The following PIGR variants were observed in gnomAD, a reference collection of about 807,000 sequenced individuals.
PIGR encodes hepatocellular carcinoma associated protein TB6.
PIGR carries 22 observed loss-of-function variants against 69.5 expected under a neutral mutation model. The ratio of observed to expected loss-of-function variants is 0.32; its 90% CI spans 0.23 to 0.45. The LOEUF (loss-of-function observed/expected upper bound fraction) is 0.45. Ranked by LOEUF, PIGR falls within the 20% of genes least tolerant of loss-of-function variation. The probability of loss-of-function intolerance (pLI) is 1.00; values close to 1 mark genes in which losing one functional copy is unlikely to be tolerated. For missense variants in PIGR, 885 were observed against 974.0 expected (o/e 0.91, Z 1.22); for synonymous variants, 413 against 407.6 (o/e 1.01, Z -0.16).
chr1:206,938,294 A>G (rs1286805023), intron 3 of PIGR, among the ~76,000 whole-genome samples: 1 of 152,222 alleles, frequency 6.6e-6, no homozygotes, highest in African/African-American at 2.4e-5. Context: ...ACCCGTCATC[A>G]GCATGTTCTT....
Position 206,940,575 on chromosome 1 carries a change from C to T in PIGR, c.-44G>A, listed in dbSNP as rs909533522. The T allele has an allele frequency of 4.6e-6, 7 of 1,519,952 alleles. No individual in the cohort carries two copies. In the African/African-American group the frequency reaches 9.7e-5, roughly 21 times the overall value. 94.2% of individuals were successfully genotyped at this position (1,519,952 alleles called of 1,614,324 possible). A position where few individuals can be genotyped will look rare whatever the true frequency, so the allele number is the denominator to read the frequency against. On this transcript the variant is annotated 5_prime_UTR_variant, in exon 2 of 11. Coordinates refer to ENST00000356495, the MANE Select transcript of PIGR (RefSeq NM_002644.4). ...GCCGCACCACTCAGGCCGACTTCTC[C>T]TGTGCAATGCTGAAAAACAATAATC...
chr1:206,931,230 T>C (rs1312520992), intron 10 of PIGR: 2 of 985,346 alleles, frequency 2.0e-6, no homozygotes, highest in Non-Finnish European at 2.4e-6. Context: ...CCTGCTTTCC[T>C]CATCTCCTGG....
At chr1:206,940,052 G>A (rs971797213) in intron 2 of PIGR, among the ~76,000 whole-genome samples, 14 of 152,248 alleles carry the variant, frequency 9.2e-5, no homozygotes, top group East Asian at 1.9e-4. Flanking sequence ...CACCACTTTC[G>A]TAAGGTGTTA....
chr1:206,931,880 G>T, intron 8 of PIGR, 78 bp from the exon 9 acceptor site: 1 of 1,535,900 alleles, frequency 6.5e-7, no homozygotes, highest in Non-Finnish European at 9.0e-7. Context: ...TTCTCTCTGG[G>T]CGGATCCACT....
In PIGR at chr1:206,937,492, C is replaced by T. The variant is rs1679888868; in HGVS notation, c.648G>A (p.Gly216=). ...CATCCCCAGCCTGGCAGAGATACTG[C>T]CCAGCATCGCTGAGCCTGAGTTGGT... The part of the protein sequence containing the change: ...VINQLRLSDA[G]QYLCQAGDDS... The change falls in exon 4 of 11, where the codon GGG becomes GGA. Residue 216 remains glycine, a synonymous_variant. Transcript: ENST00000356495. 1.9e-6 allele frequency: 3 copies of T among 1,614,216 alleles called. No individual in the cohort carries two copies. Among genetic ancestry groups the T allele is most frequent in the Admixed American group, 3.3e-5 (2 of 60,030 alleles).
rs760651677 is a variant in PIGR, at chr1:206,934,579, C to A, written c.1546G>T (p.Ala516Ser). The part of the protein sequence containing the change: ...LPSQDEGPSK[A>S]FVNCDENSRL... ...CTGTTCTCGTCACAGTTCACGAAGG[C>A]CTTGCTGGGGCCTTCGTCTTGGCTG... The change falls in exon 6 of 11, where the codon GCC becomes TCC. Residue 516 changes from alanine to serine, a missense_variant. Ala to Ser is a moderately conservative substitution (Grantham distance 99). Transcript: ENST00000356495. 6.2e-7 allele frequency: 1 copy of A among 1,614,246 alleles called. No individual in the cohort carries two copies. Among genetic ancestry groups the A allele is most frequent in the South Asian group, 1.1e-5 (1 of 91,088 alleles).
intron 3 of PIGR, 60 bp from the exon 4 acceptor site, chr1:206,937,811 C>A: frequency 2.1e-6 from 3 of 1,457,458 alleles, no homozygotes; most frequent in Admixed American, 1.8e-5. Flanking sequence ...TTTCTTGCAA[C>A]ATAGGACTAT....
rs1042355112 is a variant in PIGR, at chr1:206,939,047, T to G, written c.388+72A>C. On this transcript the variant is annotated intron_variant, in intron 3 of 10. Coordinates refer to ENST00000356495, the MANE Select transcript of PIGR (RefSeq NM_002644.4). ...CACATCCTTGTCAGGAAGTTCCTCC[T>G]CAAGCCCTCCATGCACCTTAGAGAA... 4.5e-6 allele frequency: 6 copies of G among 1,345,354 alleles called. No individual in the cohort carries two copies. In the African/African-American group the frequency reaches 7.3e-5, roughly 16 times the overall value. The allele number at this position is 1,345,354 out of a possible 1,614,324, so 83.3% of individuals were successfully genotyped here.
intron 4 of PIGR, among the ~76,000 whole-genome samples, chr1:206,936,412 T>C (rs1159771950): frequency 2.0e-5 from 3 of 151,836 alleles, no homozygotes; most frequent in Non-Finnish European, 2.9e-5. Flanking sequence ...GATGTGGACA[T>C]GGCATGCAGA....
At chr1:206,943,748 C>T (rs976590817) in intron 1 of PIGR, among the ~76,000 whole-genome samples, 31 of 152,088 alleles carry the variant, frequency 2.0e-4, no homozygotes, top group Admixed American at 1.9e-3. Flanking sequence ...TGCTGGACAT[C>T]CTTTGAAGAT....
chr1:206,942,300 G>A (rs958230079), intron 1 of PIGR, among the ~76,000 whole-genome samples: 29 of 152,184 alleles, frequency 1.9e-4, no homozygotes, highest in African/African-American at 6.5e-4. Flanking sequence ...AGCAATCAGG[G>A]GACACTAGCT....
In PIGR at chr1:206,935,619, C is replaced by A. The variant is rs1014405319; in HGVS notation, c.1245G>T (p.Leu415=). Residue 415 remains leucine, a synonymous_variant, in exon 5 of 11, where the codon CTG becomes CTT. Transcript: ENST00000356495. This position sits in a 1 kb window ranked among gnomAD's most constrained non-coding sequence, Gnocchi z 4.4. ...VKAQYEGRLS[L]LEEPGNGTFT... ...AGGTGCCGTTGCCTGGCTCCTCCAG[C>A]AGGGAGAGGCGGCCCTCGTACTGGG... is the stretch of plus-strand genomic sequence containing the variant. 3.1e-6 allele frequency: 5 copies of A among 1,614,088 alleles called. No individual in the cohort carries two copies. In the African/African-American group the frequency reaches 4.0e-5, roughly 13 times the overall value.
intron 6 of PIGR, 63 bp downstream of exon 6, chr1:206,934,357 G>T: frequency 7.1e-7 from 1 of 1,411,242 alleles, no homozygotes; most frequent in Non-Finnish European, 9.7e-7. Flanking sequence ...CTCTCAGGCA[G>T]GGGCCTTCAG....
At chr1:206,937,071 C>T (rs1315831272) in intron 4 of PIGR, 24 bp downstream of exon 4, 13 of 1,499,874 alleles carry the variant, frequency 8.7e-6, no homozygotes, top group Middle Eastern at 1.8e-4. Flanking sequence ...CCCACCTACT[C>T]CCCCTCCCTC....
Position 206,935,862 on chromosome 1 carries a change from G to A in PIGR, c.1046-44C>T, listed in dbSNP as rs367667126. The A allele has an allele frequency of 1.4e-6, 2 of 1,476,678 alleles. No homozygotes were observed. Among genetic ancestry groups the A allele is most frequent in the Admixed American group, 2.0e-5 (1 of 50,076 alleles). 91.5% of individuals were successfully genotyped at this position (1,476,678 alleles called of 1,614,324 possible). ...ATGGGATGGGAGGATGGCCACGCAG[G>A]AAGAGCCTTGCGTGGCCTGAGAAGC... On this transcript the variant is annotated intron_variant, in intron 4 of 10. Coordinates refer to ENST00000356495, the MANE Select transcript of PIGR (RefSeq NM_002644.4). The surrounding 1 kb of genome is among the most constrained non-coding windows in gnomAD (Gnocchi z 4.4).
intron 7 of PIGR, 103 bp downstream of exon 7, chr1:206,932,883 G>T: frequency 1.7e-6 from 2 of 1,191,624 alleles, no homozygotes; most frequent in Non-Finnish European, 2.4e-6. Flanking sequence ...CTGCCCCAGT[G>T]CTCAAGAGAC....
At chr1:206,932,954 C>T (rs755830794) in intron 7 of PIGR, 32 bp downstream of exon 7, 1 of 1,609,552 alleles carries the variant, frequency 6.2e-7, no homozygotes, top group Admixed American at 1.7e-5. Context: ...CTGGGGTGTT[C>T]TCCGAGTGGG....
At position 206,935,419 on chromosome 1, in the gene PIGR, A is replaced by T. The variant is rs567918483; in HGVS notation, c.1378+67T>A. On this transcript the variant is annotated intron_variant, in intron 5 of 10. Coordinates refer to ENST00000356495, the MANE Select transcript of PIGR (RefSeq NM_002644.4). The surrounding 1 kb of genome is among the most constrained non-coding windows in gnomAD (Gnocchi z 4.4). ...TGGAGGCGGGTGAAAAAGGAGGAAG[A>T]GTGGTTGGGGATGCTGCTGCTGGCT... 4.5e-5 allele frequency: 60 copies of T among 1,327,614 alleles called. 1 individual carries two copies. The Admixed American group carries it at 4.6e-4, about 10-fold the overall frequency. 82.2% of individuals were successfully genotyped at this position (1,327,614 alleles called of 1,614,324 possible).
At chr1:206,940,937 T>C (rs891953595) in intron 1 of PIGR, among the ~76,000 whole-genome samples, 1 of 152,204 alleles carries the variant, frequency 6.6e-6, no homozygotes, top group African/African-American at 2.4e-5. Flanking sequence ...TACCAATACG[T>C]GGCCCCCATC....
Sources: allele counts gnomAD v4.1 joint callset (sites outside exome capture counted in the v4.1 genomes callset), GRCh38; gene constraint gnomAD v4.1.1; non-coding constraint Gnocchi (gnomAD v3.1); transcripts MANE v1.5; gene names NCBI Gene and HGNC (gene_info 2026-07-23, HGNC 2026-07-21).